Variants in MAML2 observed in about 807,000 individuals in gnomAD.
MAML2 encodes mastermind like transcriptional coactivator 2, also known as mastermind-like protein 2.
Under a neutral mutation model 96.1 loss-of-function variants are expected in MAML2, and 22 were observed. The observed-to-expected ratio is 0.23, with a 90% CI of 0.16 to 0.33. The LOEUF is 0.33. Ranked by LOEUF, MAML2 falls within the 10% of genes least tolerant of loss-of-function variation. The probability of loss-of-function intolerance (pLI) is 1.00; values close to 1 mark genes in which losing one functional copy is unlikely to be tolerated. For missense variants in MAML2, 1,367 were observed against 1,392.4 expected, an observed-to-expected ratio of 0.98 and a Z score of 0.29; for synonymous variants, 561 against 521.3, an observed-to-expected ratio of 1.08 and a Z score of -1.04.
chr11:96,151,951 T>A (rs902467017), intron 1 of MAML2, among the ~76,000 whole-genome samples: 1 of 152,222 alleles, frequency 6.6e-6, no homozygotes, highest in African/African-American at 2.4e-5. Flanking sequence ...GCATAGTGAC[T>A]TATGCCTGTA....
chr11:96,299,779 C>T (rs1863360837), intron 1 of MAML2, among the ~76,000 whole-genome samples: 1 of 152,210 alleles, frequency 6.6e-6, no homozygotes, highest in Admixed American at 6.5e-5. Flanking sequence ...AGCTTCCTCC[C>T]CTTTGCTGTC....
chr11:96,157,217 G>A (rs1411287259), intron 1 of MAML2, among the ~76,000 whole-genome samples: 1 of 152,234 alleles, frequency 6.6e-6, no homozygotes, highest in Admixed American at 6.5e-5. Context: ...GACCTATGAT[G>A]CACAAGCTTC....
At chr11:96,118,892 C>T (rs538681762) in intron 1 of MAML2, among the ~76,000 whole-genome samples, 1 of 152,210 alleles carries the variant, frequency 6.6e-6, no homozygotes, top group Non-Finnish European at 1.5e-5. Context: ...AACACAACCT[C>T]CCCCTTTAAC....
At chr11:96,220,823 T>C (rs192675161) in intron 1 of MAML2, among the ~76,000 whole-genome samples, 2 of 152,248 alleles carry the variant, frequency 1.3e-5, no homozygotes, top group East Asian at 3.9e-4. Context: ...TCAAAATCTT[T>C]TATATAAAAA....
chr11:96,289,005 A>G (rs1028978144), intron 1 of MAML2, among the ~76,000 whole-genome samples: 2 of 152,224 alleles, frequency 1.3e-5, no homozygotes, highest in South Asian at 4.1e-4. Flanking sequence ...GAAAACCGTC[A>G]TGGGGAAAGG....
chr11:96,187,826 G>A (rs537475983), intron 1 of MAML2, among the ~76,000 whole-genome samples: 1 of 151,958 alleles, frequency 6.6e-6, no homozygotes, highest in East Asian at 1.9e-4. Flanking sequence ...TAACTGTCGT[G>A]TTTAGGAATG....
intron 2 of MAML2, among the ~76,000 whole-genome samples, chr11:96,003,784 A>G (rs1457750197): frequency 6.6e-6 from 1 of 152,172 alleles, no homozygotes. Flanking sequence ...TATCATATAA[A>G]TTTTCTGAAT....
chr11:96,122,142 C>G (rs1196405239), intron 1 of MAML2, among the ~76,000 whole-genome samples: 3 of 151,842 alleles, frequency 2.0e-5, no homozygotes, highest in Admixed American at 6.6e-5. Flanking sequence ...GGCCTGAGAA[C>G]TGACCTGTGT....
At chr11:96,289,407 G>A (rs1334993618) in intron 1 of MAML2, among the ~76,000 whole-genome samples, 2 of 152,102 alleles carry the variant, frequency 1.3e-5, no homozygotes, top group African/African-American at 2.4e-5. Context: ...TAGAATCTTC[G>A]TAGGCACTTC....
In MAML2 at chr11:96,341,633, T is replaced by C; in HGVS notation, c.263A>G (p.Lys88Arg). ...GGTGGCCTTGGTGTGTTTGCCAGCT[T>C]TCCTTGCCCCCTGGCCATGCTGTAC... Reference protein sequence around the residue: ...SLVQHGQGARKAGKHTKATAT... With the variant: ...SLVQHGQGARRAGKHTKATAT... Residue 88 changes from lysine to arginine, a missense_variant, in exon 1 of 5, where the codon AAA (lysine) becomes AGA (arginine). Coordinates refer to ENST00000524717, the MANE Select transcript of MAML2 (RefSeq NM_032427.4). The C allele has an allele frequency of 1.9e-6, 3 of 1,555,188 alleles. No individual in the cohort carries two copies. The highest frequency in any genetic ancestry group is 2.6e-6 in the Non-Finnish European group (3 of 1,148,690).
At chr11:96,109,508 G>T (rs1160253906) in intron 1 of MAML2, among the ~76,000 whole-genome samples, 1 of 152,178 alleles carries the variant, frequency 6.6e-6, no homozygotes, top group Non-Finnish European at 1.5e-5. Context: ...GGGCTAAGGT[G>T]GTAGCAGCAG....
rs1864005211 is a variant in MAML2, at chr11:96,342,097, G to T, written c.-202C>A. The stretch of plus-strand genomic sequence containing the variant: ...AAAAAGAGGGTGGGGAGAAAGAATA[G>T]AAACCAACTGGGGGGAGGATAAGTT... On this transcript the variant is annotated 5_prime_UTR_variant, in exon 1 of 5. Coordinates refer to ENST00000524717, the MANE Select transcript of MAML2 (RefSeq NM_032427.4). 1.8e-6 allele frequency: 1 copy of T among 563,012 alleles called. No homozygotes were observed. Among genetic ancestry groups the T allele is most frequent in the South Asian group, 2.5e-5 (1 of 39,402 alleles). 34.9% of individuals were successfully genotyped at this position (563,012 alleles called of 1,614,324 possible). A position where few individuals can be genotyped will look rare whatever the true frequency, so the allele number is the denominator to read the frequency against.
At chr11:96,179,740 G>T (rs2135909155) in intron 1 of MAML2, among the ~76,000 whole-genome samples, 1 of 152,340 alleles carries the variant, frequency 6.6e-6, no homozygotes, top group Admixed American at 6.5e-5. Flanking sequence ...CCAAGATGCT[G>T]CTTTCCCCTC....
At chr11:96,019,743 C>T (rs1277700594) in intron 2 of MAML2, among the ~76,000 whole-genome samples, 1 of 150,604 alleles carries the variant, frequency 6.6e-6, no homozygotes, top group South Asian at 2.1e-4. Flanking sequence ...GAACCAGACA[C>T]CTGGCAGTGA....
intron 1 of MAML2, among the ~76,000 whole-genome samples, chr11:96,258,231 G>A (rs953717523): frequency 9.2e-5 from 14 of 152,066 alleles, no homozygotes; most frequent in Admixed American, 9.2e-4. Flanking sequence ...TGCCTACCTT[G>A]TAAATATCCC....
chr11:96,111,368 C>T (rs560749246), intron 1 of MAML2, among the ~76,000 whole-genome samples: 9 of 152,242 alleles, frequency 5.9e-5, no homozygotes, highest in Admixed American at 1.3e-4. Flanking sequence ...TCATGACAAG[C>T]GCCAACAGTC....
chr11:96,036,070 C>A (rs1199881262), intron 2 of MAML2, among the ~76,000 whole-genome samples: 2 of 152,172 alleles, frequency 1.3e-5, no homozygotes, highest in East Asian at 3.8e-4. Flanking sequence ...TTTTAAAAAA[C>A]TTTACCACAG....
chr11:96,052,333 CA>C (rs1408007245), intron 2 of MAML2, among the ~76,000 whole-genome samples: 4 of 152,042 alleles, frequency 2.6e-5, no homozygotes, highest in African/African-American at 9.7e-5. Flanking sequence ...AGGCATCTAC[CA>C]CATGGAAATT....
chr11:95,984,757 G>C (rs930961994), intron 4 of MAML2, among the ~76,000 whole-genome samples: 1 of 152,210 alleles, frequency 6.6e-6, no homozygotes, highest in African/African-American at 2.4e-5. Flanking sequence ...TTCCTGGACA[G>C]ATGAAGGTAA....
Sources: allele counts gnomAD v4.1 joint callset (sites outside exome capture counted in the v4.1 genomes callset), GRCh38; gene constraint gnomAD v4.1.1; transcripts MANE v1.5; gene names NCBI Gene and HGNC (gene_info 2026-07-23, HGNC 2026-07-21).